The following FAF1 variants were observed in gnomAD, a reference collection of about 807,000 sequenced individuals.
FAF1 encodes the protein FAS-associated factor 1.
In FAF1, 25 loss-of-function variants were observed where a neutral mutation model predicts 92.5. The ratio of observed to expected loss-of-function variants is 0.27; its 90% CI spans 0.20 to 0.38. FAF1 has a LOEUF of 0.38. FAF1 is among the 10% of genes least tolerant of loss of function. The probability of loss-of-function intolerance (pLI) is 1.00; values close to 1 mark genes in which losing one functional copy is unlikely to be tolerated. For missense variants in FAF1, 636 were observed against 793.3 expected, an observed-to-expected ratio of 0.80 and a Z score of 2.38; for synonymous variants, 234 against 273.2, an observed-to-expected ratio of 0.86 and a Z score of 1.42.
chr1:50,609,132 G>C (rs1479737745), intron 8 of FAF1, among the ~76,000 whole-genome samples: 1 of 152,182 alleles, frequency 6.6e-6, no homozygotes, highest in Non-Finnish European at 1.5e-5. Flanking sequence ...GCTAGAGATA[G>C]AGCCAATGGT....
rs142201244 is a variant in FAF1, at chr1:50,637,681, A to ATGTGTGTGTG, written c.744+17751_744+17760dup. On this transcript the variant is annotated intron_variant, in intron 8 of 18. Transcript: ENST00000396153. Reference sequence around the variant, plus strand: ...CACTCTGTGGCTCACACATATATATATGTGTGTGTGTGTGTGTGTGTGTGT... The same window carrying ATGTGTGTGTG: ...CACTCTGTGGCTCACACATATATATATGTGTGTGTGTGTGTGTGTGTGTGTGTGTGTGTGT... Among the ~76,000 whole-genome samples, 918 of 137,136 alleles carry ATGTGTGTGTG rather than the reference A, an allele frequency of 6.7e-3. 12 individuals carry two copies. The highest frequency in any genetic ancestry group is 0.022 in the African/African-American group (779 of 35,968). The allele number at this position is 137,136 out of a possible 152,430, so 90.0% of individuals were successfully genotyped here.
chr1:50,685,807 G>A (rs1656631463), intron 7 of FAF1, among the ~76,000 whole-genome samples: 1 of 152,126 alleles, frequency 6.6e-6, no homozygotes. Context: ...AATGAAGTTG[G>A]CATGAATTTT....
At chr1:50,513,288 T>A in intron 15 of FAF1, among the ~76,000 whole-genome samples, 1 of 152,142 alleles carries the variant, frequency 6.6e-6, no homozygotes, top group East Asian at 1.9e-4. Flanking sequence ...AAGACCAGCC[T>A]GGACAAGATG....
At chr1:50,901,192 G>C (rs1644793603) in intron 1 of FAF1, among the ~76,000 whole-genome samples, 1 of 152,142 alleles carries the variant, frequency 6.6e-6, no homozygotes, top group African/African-American at 2.4e-5. Flanking sequence ...TGCTTGGAAT[G>C]GTTAGGATTC....
intron 8 of FAF1, among the ~76,000 whole-genome samples, chr1:50,613,870 G>A (rs1246797245): frequency 6.6e-6 from 1 of 152,002 alleles, no homozygotes; most frequent in African/African-American, 2.4e-5. Context: ...AGGCCGAGGC[G>A]GGCAGACCTC....
chr1:50,553,839 T>C (rs1405279190), intron 13 of FAF1, among the ~76,000 whole-genome samples: 1 of 152,096 alleles, frequency 6.6e-6, no homozygotes, highest in Admixed American at 6.5e-5. Context: ...AAGGATAAAG[T>C]TGAGGAAGCT....
chr1:50,471,589 T>C (rs1217117485), intron 18 of FAF1, among the ~76,000 whole-genome samples: 2 of 152,206 alleles, frequency 1.3e-5, no homozygotes, highest in Non-Finnish European at 2.9e-5. Context: ...AAGAAAACAG[T>C]TTATTCCTGA....
chr1:50,686,502 A>C (rs924137081), intron 7 of FAF1, among the ~76,000 whole-genome samples: 1 of 149,204 alleles, frequency 6.7e-6, no homozygotes, highest in African/African-American at 2.4e-5. Flanking sequence ...AGATTGCACC[A>C]TTGCGCTCCA....
intron 7 of FAF1, among the ~76,000 whole-genome samples, chr1:50,681,957 CTGGG>C: frequency 6.6e-6 from 1 of 152,028 alleles, no homozygotes; most frequent in Non-Finnish European, 1.5e-5. Flanking sequence ...CCTCAGCCCC[CTGGG>C]TAGCTGGGAC....
At chr1:50,749,300 A>C (rs1659752141) in intron 4 of FAF1, among the ~76,000 whole-genome samples, 1 of 152,190 alleles carries the variant, frequency 6.6e-6, no homozygotes, top group South Asian at 2.1e-4. Flanking sequence ...TACACTCTTG[A>C]AAACACTCTG....
intron 18 of FAF1, among the ~76,000 whole-genome samples, chr1:50,459,781 T>C (rs1646402676): frequency 6.6e-6 from 1 of 152,170 alleles, no homozygotes; most frequent in South Asian, 2.1e-4. Context: ...TGTTGAGAAG[T>C]GGGGAAAAGG....
intron 8 of FAF1, among the ~76,000 whole-genome samples, chr1:50,632,019 T>C (rs1204994503): frequency 6.6e-6 from 1 of 152,202 alleles, no homozygotes; most frequent in African/African-American, 2.4e-5. Context: ...ACATAGTATA[T>C]ACAGAGGTTG....
At chr1:50,781,583 T>G (rs150163883) in intron 4 of FAF1, among the ~76,000 whole-genome samples, 1 of 152,244 alleles carries the variant, frequency 6.6e-6, no homozygotes, top group Non-Finnish European at 1.5e-5. Context: ...CCATTTTCAA[T>G]AATGAATAGA....
intron 4 of FAF1, among the ~76,000 whole-genome samples, chr1:50,758,063 A>T (rs1030182206): frequency 6.6e-6 from 1 of 152,190 alleles, no homozygotes; most frequent in Non-Finnish European, 1.5e-5. Context: ...AATTACCAGC[A>T]CATGCTACCA....
At chr1:50,612,164 A>G (rs981612141) in intron 8 of FAF1, among the ~76,000 whole-genome samples, 41 of 152,332 alleles carry the variant, frequency 2.7e-4, no homozygotes, top group Non-Finnish European at 1.9e-4. Context: ...TCATTTTCCT[A>G]ACATTTAGAT....
chr1:50,570,208 T>C (rs533781624), intron 12 of FAF1, among the ~76,000 whole-genome samples: 1 of 152,268 alleles, frequency 6.6e-6, no homozygotes, highest in South Asian at 2.1e-4. Context: ...CCTAGGAAGA[T>C]TAAACATCCA....
intron 18 of FAF1, among the ~76,000 whole-genome samples, chr1:50,459,608 C>A (rs1259682945): frequency 1.3e-5 from 2 of 152,196 alleles, no homozygotes; most frequent in East Asian, 3.9e-4. Context: ...TCCCACTGAT[C>A]CTTCCTTCTT....
chr1:50,746,634 T>C (rs371155699), intron 4 of FAF1, among the ~76,000 whole-genome samples: 1 of 151,868 alleles, frequency 6.6e-6, no homozygotes, highest in Non-Finnish European at 1.5e-5. Flanking sequence ...AAGCAGAGTG[T>C]AAAAGTTTGA....
At chr1:50,791,013 T>C (rs1661543822) in intron 3 of FAF1, among the ~76,000 whole-genome samples, 1 of 152,182 alleles carries the variant, frequency 6.6e-6, no homozygotes, top group African/African-American at 2.4e-5. Flanking sequence ...GTATTTCTCA[T>C]TGTAAATCAT....
Sources: gnomAD v4.1 joint callset for allele counts (sites outside exome capture counted in the v4.1 genomes callset) on GRCh38, gnomAD v4.1.1 for gene constraint, MANE v1.5 for transcripts, NCBI Gene and HGNC (gene_info 2026-07-23, HGNC 2026-07-21) for gene names.